TMEM63C: variants seen among roughly 807,000 people sequenced by gnomAD.
TMEM63C encodes transmembrane protein 63C.
TMEM63C carries 32 observed loss-of-function variants against 99.2 expected under a neutral mutation model. The ratio of observed to expected loss-of-function variants is 0.32; its 90% CI spans 0.24 to 0.43. TMEM63C has a LOEUF of 0.43. Among genes scored for constraint, TMEM63C ranks in the 20% least tolerant of loss-of-function variants. TMEM63C has a pLI of 1.00. For missense variants in TMEM63C, 826 were observed against 1,053.0 expected (o/e 0.78, Z 2.98); for synonymous variants, 376 against 397.9 (o/e 0.94, Z 0.66).
At chr14:77,225,529 A>C (rs1888804815) in intron 6 of TMEM63C, 68 bp downstream of exon 6, 14 of 1,555,394 alleles carry the variant, frequency 9.0e-6, no homozygotes, top group Non-Finnish European at 1.2e-5. Flanking sequence ...GGCTCCTGGA[A>C]AAGTTAGCAG....
intron 1 of TMEM63C, among the ~76,000 whole-genome samples, chr14:77,183,317 G>GC (rs1887944718): frequency 6.6e-6 from 1 of 152,212 alleles, no homozygotes; most frequent in Non-Finnish European, 1.5e-5. Context: ...AGCTGAGGCT[G>GC]CAAGGGCCTC....
intron 1 of TMEM63C, among the ~76,000 whole-genome samples, chr14:77,189,264 C>T (rs1241336262): frequency 1.5e-5 from 2 of 130,962 alleles, no homozygotes; most frequent in African/African-American, 5.5e-5. Context: ...TGCACACCAC[C>T]ACACCCAGCT....
intron 6 of TMEM63C, among the ~76,000 whole-genome samples, chr14:77,229,613 A>AAG (rs1555348255): frequency 8.5e-6 from 1 of 117,998 alleles, no homozygotes; most frequent in East Asian, 2.9e-4. Context: ...ACACCCAGCT[A>AAG]ATATATATAT....
rs777144930 is a variant in TMEM63C at position 77,248,486 on chromosome 14, C to T, written c.1741C>T (p.Pro581Ser). Residue 581 changes from proline (P) to serine (S), a missense_variant, in exon 19 of 24, where the codon CCA (proline) becomes TCA (serine). Transcript: ENST00000298351. Reference sequence around the variant, plus strand: ...CCGCCTCTTCTTCTCTAGATCAGAGCCAGAGAGAGTCAACATCAGAAAGGT... The same window carrying T: ...CCGCCTCTTCTTCTCTAGATCAGAGTCAGAGAGAGTCAACATCAGAAAGGT... Reference protein sequence around the residue: ...STRLFFSRSEPERVNIRKNQA... With the variant: ...STRLFFSRSESERVNIRKNQA... The T allele has an allele frequency of 1.3e-6, 2 of 1,590,566 alleles. No homozygotes were observed. The highest frequency in any genetic ancestry group is 1.7e-6 in the Non-Finnish European group (2 of 1,168,544).
At position 77,225,567 on chromosome 14, in the gene TMEM63C, G is replaced by A. The variant is rs1037000861; in HGVS notation, c.350+106G>A. 4.3e-6 allele frequency: 5 copies of A among 1,171,866 alleles called. No homozygotes were observed. In the African/African-American group the frequency reaches 6.1e-5, roughly 14 times the overall value. 72.6% of individuals were successfully genotyped at this position (1,171,866 alleles called of 1,614,324 possible). The stretch of plus-strand genomic sequence containing the variant: ...CCCAGCCTGGGAAGACAGGGCCTGA[G>A]CTCCGTATCCTCCCCGCCACCTCGG... On this transcript the variant is annotated intron_variant, in intron 6 of 23. Transcript: ENST00000298351.
intron 2 of TMEM63C, among the ~76,000 whole-genome samples, chr14:77,217,012 T>C (rs1289831277): frequency 6.6e-6 from 1 of 152,080 alleles, no homozygotes; most frequent in Non-Finnish European, 1.5e-5. Flanking sequence ...ATCAAAAAAT[T>C]TTAAGAATTA....
In TMEM63C at chr14:77,257,855, G is replaced by A. The variant is rs1198307141; in HGVS notation, c.*1129G>A. 1.3e-5 allele frequency: 2 copies of A among 152,352 alleles called. No individual in the cohort carries two copies. The highest frequency in any genetic ancestry group is 2.4e-5 in the African/African-American group (1 of 41,448). 9.4% of individuals were successfully genotyped at this position (152,352 alleles called of 1,614,324 possible). On this transcript the variant is annotated 3_prime_UTR_variant, in exon 24 of 24. Transcript: ENST00000298351. Reference sequence around the variant, plus strand: ...CCAAGCGGCCTCCAGTGTGGGCCTGGTCCAGACATTGCAGATGCTTCAACC... The same window carrying A: ...CCAAGCGGCCTCCAGTGTGGGCCTGATCCAGACATTGCAGATGCTTCAACC...
chr14:77,200,709 C>A (rs929980621), intron 1 of TMEM63C, among the ~76,000 whole-genome samples: 1 of 152,264 alleles, frequency 6.6e-6, no homozygotes, highest in Non-Finnish European at 1.5e-5. Flanking sequence ...GTCCTGCCCC[C>A]GCTCCCCATC....
rs144586609 is a variant in TMEM63C at position 77,256,700 on chromosome 14, C to G, written c.2395C>G (p.Leu799Val). The G allele has an allele frequency of 6.2e-7, 1 of 1,613,820 alleles. No homozygotes were observed. The highest frequency in any genetic ancestry group is 2.2e-5 in the East Asian group (1 of 44,886). The change falls in exon 24 of 24, where the codon CTG (leucine) becomes GTG (valine). Residue 799 changes from leucine to valine, a missense_variant. Leu to Val is a conservative substitution (Grantham distance 32). Transcript: ENST00000298351. ...DSAQFQEGLE[L>V]EGQNQYH is the part of the protein sequence containing the mutation. ...GGCCCAGTTCCAGGAAGGGCTGGAA[C>G]TGGAGGGCCAGAACCAGTACCACTG...
At chr14:77,188,221 T>C (rs1036228506) in intron 1 of TMEM63C, among the ~76,000 whole-genome samples, 1 of 152,224 alleles carries the variant, frequency 6.6e-6, no homozygotes, top group African/African-American at 2.4e-5. Context: ...CAGCCTTGAA[T>C]GCCCTTAACA....
Position 77,184,322 on chromosome 14 carries a change from C to T in TMEM63C, c.-77+2428C>T, listed in dbSNP as rs148460620. 4.3e-3 allele frequency among the ~76,000 whole-genome samples: 657 copies of T among 152,168 alleles called. 5 individuals carry two copies. Among genetic ancestry groups the T allele is most frequent in the Non-Finnish European group, 7.6e-3 (520 of 67,980 alleles). On this transcript the variant is annotated intron_variant, in intron 1 of 23. Transcript: ENST00000298351. Reference sequence around the variant, plus strand: ...GGAGTTTCATCCCCTCCATCCCCAGCTGCCCATTATAGTTAACATATTTAA... The same window carrying T: ...GGAGTTTCATCCCCTCCATCCCCAGTTGCCCATTATAGTTAACATATTTAA...
chr14:77,219,417 C>T lies in TMEM63C; in HGVS notation c.151-81C>T, dbSNP rs556010032. Reference sequence around the variant, plus strand: ...CTGGGGACCTCAGGGACAGGGTCTCCCCCAAGGGAATGCAGGGGGCCAGCC... The same window carrying T: ...CTGGGGACCTCAGGGACAGGGTCTCTCCCAAGGGAATGCAGGGGGCCAGCC... On this transcript the variant is annotated intron_variant, in intron 3 of 23. Transcript: ENST00000298351. 6 of 1,462,920 alleles carry T rather than the reference C, an allele frequency of 4.1e-6. No homozygotes were observed. In the East Asian group the frequency reaches 6.8e-5, roughly 17 times the overall value. The allele number at this position is 1,462,920 out of a possible 1,614,324, so 90.6% of individuals were successfully genotyped here. A position where few individuals can be genotyped will look rare whatever the true frequency, so the allele number is the denominator to read the frequency against.
chr14:77,243,063 C>T lies in TMEM63C; in HGVS notation c.1341+7C>T. ...CCCCATCGAGAAGCTGCAGGTGCCT[C>T]CTCTGCTCAGGCCAGGCCTGGGGAC... On this transcript the variant is annotated splice_region_variant and intron_variant, in intron 15 of 23. Transcript: ENST00000298351. 1 of 1,613,456 alleles carries T rather than the reference C, an allele frequency of 6.2e-7. No homozygotes were observed. The highest frequency in any genetic ancestry group is 8.5e-7 in the Non-Finnish European group (1 of 1,179,784).
At chr14:77,196,039 AC>A (rs758136436) in intron 1 of TMEM63C, 1 of 152,930 alleles carries the variant, frequency 6.5e-6, no homozygotes, top group Non-Finnish European at 1.5e-5. Flanking sequence ...GCCCGCCTGC[AC>A]TGAGAGGGTT....
chr14:77,243,133 G>A, intron 15 of TMEM63C, 77 bp downstream of exon 15: 1 of 1,553,020 alleles, frequency 6.4e-7, no homozygotes, highest in East Asian at 2.3e-5. Context: ...GGGATGGGGG[G>A]AGCCCCCTGG....
intron 15 of TMEM63C, 148 bp from the exon 16 acceptor site, chr14:77,244,201 G>A: frequency 1.5e-6 from 1 of 652,126 alleles, no homozygotes; most frequent in Admixed American, 2.7e-5. Flanking sequence ...GCCTCTGCCT[G>A]GCCAGGAAAG....
intron 1 of TMEM63C, among the ~76,000 whole-genome samples, chr14:77,194,118 G>A (rs1444698408): frequency 6.6e-6 from 1 of 152,210 alleles, no homozygotes; most frequent in African/African-American, 2.4e-5. Context: ...AGCAAAAAAT[G>A]TAGAAATAAC....
At chr14:77,218,499 A>C (rs2287375) in intron 2 of TMEM63C, among the ~76,000 whole-genome samples, 2 of 152,116 alleles carry the variant, frequency 1.3e-5, no homozygotes, top group Non-Finnish European at 2.9e-5. Context: ...GTAGAACTGG[A>C]AAAATGCACA....
chr14:77,203,207 G>A (rs923121156), intron 1 of TMEM63C, among the ~76,000 whole-genome samples: 1 of 151,906 alleles, frequency 6.6e-6, no homozygotes, highest in African/African-American at 2.4e-5. Flanking sequence ...GTGAAACCCT[G>A]TCTCTACTAA....
Sources: allele counts gnomAD v4.1 joint callset (sites outside exome capture counted in the v4.1 genomes callset), GRCh38; gene constraint gnomAD v4.1.1; transcripts MANE v1.5; gene names NCBI Gene and HGNC (gene_info 2026-07-23, HGNC 2026-07-21).